SORCS1: variants seen among roughly 807,000 people sequenced by gnomAD.
SORCS1 encodes the protein sortilin related VPS10 domain containing receptor 1, also known as VPS10 domain-containing receptor SorCS1.
SORCS1 carries 60 observed loss-of-function variants against 146.1 expected under a neutral mutation model. The ratio of observed to expected loss-of-function variants is 0.41; its 90% CI spans 0.33 to 0.51. The LOEUF is 0.51. Ranked by LOEUF, SORCS1 falls within the 20% of genes least tolerant of loss-of-function variation. The pLI, the probability that SORCS1 is intolerant of heterozygous loss-of-function variation, is 0.21. For synonymous variants in SORCS1, 637 were observed against 584.0 expected, an observed-to-expected ratio of 1.09 and a Z score of -1.31; for missense variants, 1,352 against 1,487.6, an observed-to-expected ratio of 0.91 and a Z score of 1.50.
intron 1 of SORCS1, among the ~76,000 whole-genome samples, chr10:107,008,720 G>A (rs902136997): frequency 2.0e-5 from 3 of 152,304 alleles, no homozygotes; most frequent in East Asian, 1.9e-4. Flanking sequence ...TATATGGGCC[G>A]GGTGCGGTGG....
chr10:106,772,677 C>T (rs984529688), intron 4 of SORCS1, among the ~76,000 whole-genome samples: 16 of 152,096 alleles, frequency 1.1e-4, no homozygotes, highest in Non-Finnish European at 2.1e-4. Context: ...TGATTAAAAC[C>T]ACCTTTTAAA....
intron 2 of SORCS1, among the ~76,000 whole-genome samples, chr10:106,890,133 C>T (rs1241687534): frequency 6.6e-6 from 1 of 152,060 alleles, no homozygotes; most frequent in Non-Finnish European, 1.5e-5. Flanking sequence ...TTTAAATAAT[C>T]ACTCAAAGTG....
rs184781995 is a variant in SORCS1 at position 106,922,477 on chromosome 10, C to G, written c.626+34036G>C. 1.6e-3 allele frequency among the ~76,000 whole-genome samples: 238 copies of G among 152,274 alleles called. 1 individual carries two copies. The highest frequency in any genetic ancestry group is 5.4e-3 in the African/African-American group (224 of 41,548). On this transcript the variant is annotated intron_variant, in intron 2 of 25. Transcript: ENST00000263054. ...TGATAATAAAGTCAAAACTTTGATA[C>G]CATCAAATAACGAAACCAGTCAAAG... is the stretch of plus-strand genomic sequence containing the variant.
intron 8 of SORCS1, among the ~76,000 whole-genome samples, chr10:106,699,867 T>C (rs925610218): frequency 3.9e-5 from 6 of 152,164 alleles, no homozygotes; most frequent in Non-Finnish European, 8.8e-5. Context: ...TTATTAAACA[T>C]ATAGAACCTT....
At chr10:106,660,869 T>C (rs748677184) in intron 17 of SORCS1, among the ~76,000 whole-genome samples, 11 of 152,198 alleles carry the variant, frequency 7.2e-5, no homozygotes, top group Admixed American at 3.9e-4. Flanking sequence ...ACTCTACAGA[T>C]AGAAATTTCT....
chr10:107,051,823 TGGTACTTGA>T (rs1415758710), intron 1 of SORCS1, among the ~76,000 whole-genome samples: 1 of 152,184 alleles, frequency 6.6e-6, no homozygotes, highest in African/African-American at 2.4e-5. Context: ...ATGAAAGGGC[TGGTACTTGA>T]ACCCAACTTT....
rs1351965900 is a variant in SORCS1 at position 106,788,048 on chromosome 10, C to T, written c.727-11356G>A. ...TACATTACATGTTGCCTTTGAAAGT[C>T]TTGGCTTATTCCTATAGCACCATCA... On this transcript the variant is annotated intron_variant, in intron 3 of 25. Transcript: ENST00000263054. Among the ~76,000 whole-genome samples the T allele has an allele frequency of 2.6e-5, 4 of 152,154 alleles. No homozygotes were observed. The East Asian group carries it at 7.7e-4, about 29-fold the overall frequency.
At chr10:107,020,908 C>A (rs748583041) in intron 1 of SORCS1, among the ~76,000 whole-genome samples, 51 of 152,090 alleles carry the variant, frequency 3.4e-4, no homozygotes, top group Non-Finnish European at 5.9e-4. Context: ...ATACATTGTA[C>A]ACGCTTTTAT....
chr10:106,953,671 T>C (rs1485049111), intron 2 of SORCS1, among the ~76,000 whole-genome samples: 1 of 152,206 alleles, frequency 6.6e-6, no homozygotes, highest in Non-Finnish European at 1.5e-5. Context: ...AGGCATAAGG[T>C]ACACCCTATT....
At chr10:106,725,138 TCAAAACAAAA>T (rs764606218) in intron 6 of SORCS1, among the ~76,000 whole-genome samples, 7 of 151,244 alleles carry the variant, frequency 4.6e-5, no homozygotes, top group South Asian at 2.1e-4. Context: ...AGACTTCATC[TCAAAACAAAA>T]CAAAACAAAA....
At chr10:107,088,617 G>A (rs185236125) in intron 1 of SORCS1, among the ~76,000 whole-genome samples, 48 of 152,304 alleles carry the variant, frequency 3.2e-4, no homozygotes, top group Admixed American at 5.2e-4. Context: ...AGCTCTGATC[G>A]CTACTGCTGG....
intron 1 of SORCS1, among the ~76,000 whole-genome samples, chr10:107,098,317 T>A (rs1265216036): frequency 6.6e-6 from 1 of 152,194 alleles, no homozygotes; most frequent in Non-Finnish European, 1.5e-5. Flanking sequence ...ATCTAGCACA[T>A]CACTTAGTAG....
chr10:107,169,689 T>G (rs1382998473), upstream of SORCS1, among the ~76,000 whole-genome samples: 1 of 152,146 alleles, frequency 6.6e-6, no homozygotes, highest in Non-Finnish European at 1.5e-5. Context: ...CTCCAAAAGA[T>G]AGGTAGGGGG....
chr10:106,919,613 G>A (rs551367597), intron 2 of SORCS1, among the ~76,000 whole-genome samples: 1 of 152,306 alleles, frequency 6.6e-6, no homozygotes, highest in South Asian at 2.1e-4. Context: ...GAAATTCCCT[G>A]CGCTATTTGG....
At chr10:106,626,111 G>T (rs1185844123) in intron 19 of SORCS1, among the ~76,000 whole-genome samples, 1 of 151,900 alleles carries the variant, frequency 6.6e-6, no homozygotes, top group East Asian at 1.9e-4. Flanking sequence ...CAAACCCTCT[G>T]GTTTGGAATC....
At chr10:106,821,416 A>C (rs1446382929) in intron 3 of SORCS1, among the ~76,000 whole-genome samples, 3 of 152,220 alleles carry the variant, frequency 2.0e-5, no homozygotes, top group African/African-American at 7.2e-5. Context: ...ATCTTTTAAA[A>C]ATACATAAAT....
At chr10:107,092,883 G>GAAAAAAA (rs34184443) in intron 1 of SORCS1, among the ~76,000 whole-genome samples, 10 of 61,514 alleles carry the variant, frequency 1.6e-4, no homozygotes, top group African/African-American at 5.0e-4. Context: ...AGAAGACCAT[G>GAAAAAAA]AAAAAAAAAA....
intron 6 of SORCS1, among the ~76,000 whole-genome samples, chr10:106,718,322 T>C (rs979696552): frequency 1.3e-5 from 2 of 152,210 alleles, no homozygotes; most frequent in African/African-American, 4.8e-5. Flanking sequence ...ACTTTCTGTG[T>C]CCGCAATTGG....
chr10:107,085,683 G>C (rs1963701027), intron 1 of SORCS1, among the ~76,000 whole-genome samples: 1 of 152,130 alleles, frequency 6.6e-6, no homozygotes, highest in South Asian at 2.1e-4. Context: ...AGAAAATACA[G>C]AAGTTTGTTG....
Sources: gnomAD v4.1 joint callset for allele counts (sites outside exome capture counted in the v4.1 genomes callset) on GRCh38, gnomAD v4.1.1 for gene constraint, MANE v1.5 for transcripts, NCBI Gene and HGNC (gene_info 2026-07-23, HGNC 2026-07-21) for gene names.